TULP4: variants seen among roughly 807,000 people sequenced by gnomAD.
The protein encoded by TULP4 is TUB like protein 4.
A neutral mutation model predicts 129.0 loss-of-function variants in TULP4; 16 were observed. The ratio of observed to expected loss-of-function variants is 0.12; its 90% CI spans 0.08 to 0.19. TULP4 has a LOEUF of 0.19. TULP4 is among the 10% of genes least tolerant of loss of function. The probability of loss-of-function intolerance (pLI) is 1.00; values close to 1 mark genes in which losing one functional copy is unlikely to be tolerated. For synonymous variants in TULP4, 998 were observed against 854.0 expected (o/e 1.17, Z -2.94); for missense variants, 1,842 against 2,059.1 (o/e 0.89, Z 2.04).
At chr6:158,328,079 GGT>G (rs766393090) in intron 1 of TULP4, among the ~76,000 whole-genome samples, 4,233 of 120,514 alleles carry the variant, frequency 0.035, 102 homozygotes, top group African/African-American at 0.047. Context: ...TCTCAGAGCT[GGT>G]GTGTGTGTGT....
chr6:158,401,044 G>A (rs945302745), intron 1 of TULP4, among the ~76,000 whole-genome samples: 3 of 134,912 alleles, frequency 2.2e-5, no homozygotes, highest in Non-Finnish European at 4.8e-5. Flanking sequence ...ATGTTTGTTT[G>A]GGTTTTTTGT....
intron 3 of TULP4, among the ~76,000 whole-genome samples, chr6:158,442,988 G>A (rs965730713): frequency 9.9e-5 from 15 of 151,056 alleles, no homozygotes; most frequent in Non-Finnish European, 1.9e-4. Flanking sequence ...CGGCTTGTTT[G>A]TTTGTTTGTT....
intron 8 of TULP4, among the ~76,000 whole-genome samples, chr6:158,485,958 T>C (rs534112171): frequency 1.3e-5 from 2 of 152,360 alleles, no homozygotes; most frequent in South Asian, 4.1e-4. Flanking sequence ...TCAGGATGAA[T>C]TGTACCTCAG....
At chr6:158,366,230 T>C (rs1284676174) in intron 1 of TULP4, among the ~76,000 whole-genome samples, 1 of 152,228 alleles carries the variant, frequency 6.6e-6, no homozygotes, top group Non-Finnish European at 1.5e-5. Flanking sequence ...TTGGTTTCCC[T>C]CACAAGCTTT....
intron 6 of TULP4, among the ~76,000 whole-genome samples, chr6:158,464,135 T>C (rs960008660): frequency 1.1e-4 from 17 of 152,226 alleles, no homozygotes; most frequent in Admixed American, 1.0e-3. Context: ...GAGCCAAATA[T>C]GAGCAACCAT....
chr6:158,380,365 T>G lies in TULP4; in HGVS notation c.253-32700T>G, dbSNP rs530847178. On this transcript the variant is annotated intron_variant, in intron 1 of 13. Coordinates refer to ENST00000367097, the MANE Select transcript of TULP4 (RefSeq NM_020245.5). The stretch of plus-strand genomic sequence containing the variant: ...TTTCTCAGCCCTTAAATGGCCTTTC[T>G]GTGCTTAGCAGCCATGTCCTCAGTA... 4.6e-5 allele frequency among the ~76,000 whole-genome samples: 7 copies of G among 152,342 alleles called. No individual in the cohort carries two copies. The South Asian group carries it at 1.5e-3, about 32-fold the overall frequency.
At chr6:158,382,940 G>A (rs978524506) in intron 1 of TULP4, among the ~76,000 whole-genome samples, 11 of 152,184 alleles carry the variant, frequency 7.2e-5, no homozygotes, top group Non-Finnish European at 5.9e-5. Context: ...ATTAATCTTG[G>A]AAAGTCGAAA....
At chr6:158,308,417 G>A (rs1439105088), upstream of TULP4, among the ~76,000 whole-genome samples, 3 of 151,830 alleles carry the variant, frequency 2.0e-5, no homozygotes, top group South Asian at 2.1e-4. Flanking sequence ...ACACAGACAC[G>A]GCAACCATCC....
rs144403002 is a variant in TULP4 at position 158,292,786 on chromosome 6, G to A, written n.116+10408G>A. ...GCACAGTGTAAGATTATTTCCTTAC[G>A]ATAAACTTCCAGAAGTGGAATTGAT... On this transcript the variant is annotated intron_variant and non_coding_transcript_variant, in intron 1 of 1. Transcript: ENST00000432358. Among the ~76,000 whole-genome samples, 532 of 152,232 alleles carry A rather than the reference G, an allele frequency of 3.5e-3. 1 individual carries two copies. The highest frequency in any genetic ancestry group is 5.7e-3 in the Non-Finnish European group (389 of 68,014).
intron 1 of TULP4, among the ~76,000 whole-genome samples, chr6:158,273,913 G>A (rs1778593715): frequency 6.6e-6 from 1 of 152,128 alleles, no homozygotes; most frequent in African/African-American, 2.4e-5. Context: ...TGATAGGTAA[G>A]AAAACTGAAT....
chr6:158,458,225 T>G (rs1779337985), intron 5 of TULP4, among the ~76,000 whole-genome samples: 1 of 152,200 alleles, frequency 6.6e-6, no homozygotes, highest in South Asian at 2.1e-4. Flanking sequence ...GGCTTCTTGT[T>G]AATACAAAAG....
intron 1 of TULP4, among the ~76,000 whole-genome samples, chr6:158,411,931 C>T (rs1404138780): frequency 1.3e-5 from 2 of 152,198 alleles, no homozygotes; most frequent in Non-Finnish European, 2.9e-5. Flanking sequence ...CCATTAACAC[C>T]AGTGCCACAT....
intron 1 of TULP4, among the ~76,000 whole-genome samples, chr6:158,406,296 A>C (rs922555724): frequency 6.6e-6 from 1 of 152,232 alleles, no homozygotes; most frequent in Non-Finnish European, 1.5e-5. Flanking sequence ...GTTTAGAGCT[A>C]AACAGATGTC....
chr6:158,426,947 T>A (rs1334685826), intron 2 of TULP4, among the ~76,000 whole-genome samples: 1 of 152,186 alleles, frequency 6.6e-6, no homozygotes, highest in Non-Finnish European at 1.5e-5. Context: ...TCACTGGTTA[T>A]CTGTATTCCT....
intron 1 of TULP4, among the ~76,000 whole-genome samples, chr6:158,286,132 T>C (rs1778832043): frequency 6.6e-6 from 1 of 152,246 alleles, no homozygotes; most frequent in Non-Finnish European, 1.5e-5. Flanking sequence ...CAAACTGCCA[T>C]TATCTGTTGC....
intron 1 of TULP4, among the ~76,000 whole-genome samples, chr6:158,256,882 T>G (rs1778255217): frequency 6.6e-6 from 1 of 152,000 alleles, no homozygotes; most frequent in Admixed American, 6.6e-5. Context: ...GAGCCTTCTG[T>G]GTAAAGGTGG....
At chr6:158,422,358 G>A (rs1562559483) in intron 2 of TULP4, among the ~76,000 whole-genome samples, 1 of 152,112 alleles carries the variant, frequency 6.6e-6, no homozygotes, top group East Asian at 1.9e-4. Context: ...ATGGGGGAAA[G>A]GTAAATCTTT....
chr6:158,409,872 T>C (rs1323495039), intron 1 of TULP4, among the ~76,000 whole-genome samples: 1 of 152,104 alleles, frequency 6.6e-6, no homozygotes, highest in Non-Finnish European at 1.5e-5. Context: ...TTTTTTTTTT[T>C]AGAGGTGGAG....
At chr6:158,420,535 G>A (rs1458440433) in intron 2 of TULP4, among the ~76,000 whole-genome samples, 1 of 152,126 alleles carries the variant, frequency 6.6e-6, no homozygotes, top group Non-Finnish European at 1.5e-5. Flanking sequence ...AGGCTGGAGT[G>A]CAATGGCGCC....
Sources: allele counts gnomAD v4.1 joint callset (sites outside exome capture counted in the v4.1 genomes callset), GRCh38; gene constraint gnomAD v4.1.1; transcripts MANE v1.5; gene names NCBI Gene and HGNC (gene_info 2026-07-23, HGNC 2026-07-21).